The following PACRG variants were observed in gnomAD, a reference collection of about 807,000 sequenced individuals.
PACRG encodes parkin coregulated, also known as parkin coregulated gene protein.
Under a neutral mutation model 29.7 loss-of-function variants are expected in PACRG, and 29 were observed. That is an observed-to-expected ratio of 0.98 (90% CI 0.73 to 1.33). PACRG has a LOEUF of 1.33. PACRG is among the 40% of genes most tolerant of loss of function. PACRG has a pLI of 0.00. For synonymous variants in PACRG, 116 were observed against 118.7 expected, an observed-to-expected ratio of 0.98 and a Z score of 0.15; for missense variants, 279 against 316.2, an observed-to-expected ratio of 0.88 and a Z score of 0.89.
At chr6:162,854,561 CTT>C (rs889512272) in intron 2 of PACRG, among the ~76,000 whole-genome samples, 34 of 152,298 alleles carry the variant, frequency 2.2e-4, no homozygotes, top group African/African-American at 7.2e-4. Flanking sequence ...TTGAGACTGA[CTT>C]TATTTCTCTC....
chr6:162,825,057 T>C (rs1788161765), intron 2 of PACRG, among the ~76,000 whole-genome samples: 1 of 152,192 alleles, frequency 6.6e-6, no homozygotes, highest in Non-Finnish European at 1.5e-5. Flanking sequence ...TTTGTTTTTC[T>C]TGTATTTCAG....
chr6:162,736,905 ATGCTT>A (rs1780208716), intron 1 of PACRG, among the ~76,000 whole-genome samples: 2 of 152,148 alleles, frequency 1.3e-5, no homozygotes, highest in South Asian at 4.1e-4. Flanking sequence ...ATAAAATTCT[ATGCTT>A]TGAATTTGTC....
intron 1 of PACRG, among the ~76,000 whole-genome samples, chr6:162,800,553 A>T (rs1238360281): frequency 6.6e-6 from 1 of 152,204 alleles, no homozygotes; most frequent in Non-Finnish European, 1.5e-5. Flanking sequence ...AGCATTTTTA[A>T]AATCAAGTGG....
At chr6:163,101,285 A>G in intron 4 of PACRG, 1 of 983,026 alleles carries the variant, frequency 1.0e-6, no homozygotes, top group Non-Finnish European at 1.2e-6. Context: ...TAATGACAGG[A>G]TTATTGCCTG....
intron 4 of PACRG, among the ~76,000 whole-genome samples, chr6:163,144,341 C>CAT (rs1191128412): frequency 3.5e-4 from 48 of 136,896 alleles, no homozygotes; most frequent in African/African-American, 1.4e-3. Context: ...CATACACACA[C>CAT]ATACATACAC....
chr6:162,801,018 C>T (rs1785811661), intron 1 of PACRG, among the ~76,000 whole-genome samples: 1 of 152,182 alleles, frequency 6.6e-6, no homozygotes, highest in African/African-American at 2.4e-5. Context: ...TCGTGGACCT[C>T]CTTAAATCTT....
At chr6:162,881,710 G>T (rs994379411) in intron 2 of PACRG, among the ~76,000 whole-genome samples, 6 of 150,042 alleles carry the variant, frequency 4.0e-5, no homozygotes, top group East Asian at 2.0e-4. Context: ...GACTGGGGGT[G>T]GGGGGGTGCA....
At chr6:163,260,917 A>C (rs962568876) in intron 4 of PACRG, among the ~76,000 whole-genome samples, 5 of 151,902 alleles carry the variant, frequency 3.3e-5, no homozygotes, top group African/African-American at 1.2e-4. Context: ...GGTAGATGCT[A>C]TTCGAATCTA....
chr6:163,112,250 T>C (rs890914988), intron 4 of PACRG: 8 of 166,474 alleles, frequency 4.8e-5, no homozygotes, highest in Non-Finnish European at 8.6e-5. Flanking sequence ...TAAATTGTGG[T>C]TAATTTCAGT....
chr6:163,211,113 T>C (rs1466876618), intron 4 of PACRG, among the ~76,000 whole-genome samples: 1 of 152,202 alleles, frequency 6.6e-6, no homozygotes, highest in African/African-American at 2.4e-5. Context: ...TTTTTTAAAT[T>C]CCCTTTGGCT....
At chr6:162,936,307 C>T (rs1382588269) in intron 2 of PACRG, among the ~76,000 whole-genome samples, 4 of 152,134 alleles carry the variant, frequency 2.6e-5, no homozygotes, top group African/African-American at 7.2e-5. Flanking sequence ...GAAACTCTAT[C>T]GAGTGCTCAC....
intron 2 of PACRG, among the ~76,000 whole-genome samples, chr6:162,854,255 T>C (rs1791183450): frequency 6.6e-6 from 1 of 151,988 alleles, no homozygotes; most frequent in African/African-American, 2.4e-5. Flanking sequence ...AAGCATTCAG[T>C]AATGTTTGTG....
chr6:162,727,871 C>A (rs1044207674), upstream of PACRG: 3 of 600,410 alleles, frequency 5.0e-6, no homozygotes, highest in African/African-American at 1.9e-5. Context: ...TTTCTCCTCA[C>A]GCCTCCTGCC....
At chr6:163,242,407 T>C (rs975051313) in intron 4 of PACRG, among the ~76,000 whole-genome samples, 2 of 152,238 alleles carry the variant, frequency 1.3e-5, no homozygotes, top group Non-Finnish European at 2.9e-5. Context: ...CATTCCTCAG[T>C]ACAATTCAAA....
chr6:162,847,884 G>T (rs759795918), intron 2 of PACRG, among the ~76,000 whole-genome samples: 4 of 152,132 alleles, frequency 2.6e-5, no homozygotes, highest in Admixed American at 1.3e-4. Context: ...TCAAAGGCTA[G>T]TGAGAAGCCC....
chr6:162,925,100 C>G (rs1797336374), intron 2 of PACRG, among the ~76,000 whole-genome samples: 1 of 152,076 alleles, frequency 6.6e-6, no homozygotes, highest in Non-Finnish European at 1.5e-5. Context: ...CATACCCTCC[C>G]AAGACTAAAC....
At chr6:163,021,458 A>C (rs1039732441) in intron 2 of PACRG, among the ~76,000 whole-genome samples, 13 of 152,010 alleles carry the variant, frequency 8.6e-5, no homozygotes, top group African/African-American at 3.1e-4. Flanking sequence ...CATCCTACTG[A>C]CCCTGTAAGG....
At chr6:162,893,335 G>C (rs534402616) in intron 2 of PACRG, among the ~76,000 whole-genome samples, 1 of 152,124 alleles carries the variant, frequency 6.6e-6, no homozygotes, top group Non-Finnish European at 1.5e-5. Context: ...TGGACAGACA[G>C]GGCAGGGTAA....
intron 2 of PACRG, among the ~76,000 whole-genome samples, chr6:162,851,321 C>T (rs1790843072): frequency 1.3e-5 from 2 of 152,184 alleles, no homozygotes; most frequent in Admixed American, 1.3e-4. Context: ...TCTCTTCACC[C>T]ACACTATGAT....
Sources: gnomAD v4.1 joint callset for allele counts (sites outside exome capture counted in the v4.1 genomes callset) on GRCh38, gnomAD v4.1.1 for gene constraint, MANE v1.5 for transcripts, NCBI Gene and HGNC (gene_info 2026-07-23, HGNC 2026-07-21) for gene names.